The following NCOA2 variants were observed in gnomAD, a reference collection of about 807,000 sequenced individuals.
NCOA2 encodes the protein nuclear receptor coactivator 2.
Under a neutral mutation model 145.1 loss-of-function variants are expected in NCOA2, and 21 were observed. The ratio of observed to expected loss-of-function variants is 0.14; its 90% CI spans 0.10 to 0.21. The LOEUF (loss-of-function observed/expected upper bound fraction) is 0.21, where lower values mean the gene tolerates loss of function less well. Ranked by LOEUF, NCOA2 falls within the 10% of genes least tolerant of loss-of-function variation. The probability of loss-of-function intolerance (pLI) is 1.00; values close to 1 mark genes in which losing one functional copy is unlikely to be tolerated. For missense variants in NCOA2, 1,472 were observed against 1,837.6 expected, an observed-to-expected ratio of 0.80 and a Z score of 3.64; for synonymous variants, 619 against 637.5, an observed-to-expected ratio of 0.97 and a Z score of 0.44.
Position 70,113,616 on chromosome 8 carries a change from A to C in NCOA2, c.*16T>G. On this transcript the variant is annotated 3_prime_UTR_variant, in exon 23 of 23. Coordinates refer to ENST00000452400, the MANE Select transcript of NCOA2 (RefSeq NM_006540.4). ...GTGAGCCCGGTCAGCTGAAGAAGCAACTGGCTTCAGCAGTGTCAGCAATAT... is the reference window on the plus strand; with the variant it reads ...GTGAGCCCGGTCAGCTGAAGAAGCACCTGGCTTCAGCAGTGTCAGCAATAT... The C allele has an allele frequency of 6.4e-7, 1 of 1,551,986 alleles. No homozygotes were observed. The highest frequency in any genetic ancestry group is 8.7e-7 in the Non-Finnish European group (1 of 1,147,044).
intron 2 of NCOA2, among the ~76,000 whole-genome samples, chr8:70,272,058 A>G (rs1185765468): frequency 6.6e-6 from 1 of 152,228 alleles, no homozygotes; most frequent in Non-Finnish European, 1.5e-5. Flanking sequence ...TTGTTGACTG[A>G]TTTCCAACTT....
the NCOA2 span, among the ~76,000 whole-genome samples, chr8:70,451,229 A>ATATAT: frequency 8.8e-6 from 1 of 114,184 alleles, no homozygotes; most frequent in African/African-American, 3.8e-5. Flanking sequence ...AAAAAAAAAA[A>ATATAT]AAAAAAAAAT....
At chr8:70,220,411 GAA>G (rs1047614601) in intron 2 of NCOA2, among the ~76,000 whole-genome samples, 6 of 151,080 alleles carry the variant, frequency 4.0e-5, no homozygotes, top group East Asian at 1.9e-4. Context: ...GGACAAGTCT[GAA>G]AAAAAAAGTT....
At chr8:70,307,220 C>CA (rs57161747) in intron 1 of NCOA2, among the ~76,000 whole-genome samples, 17,030 of 71,550 alleles carry the variant, frequency 0.24, 1,645 homozygotes, top group East Asian at 0.5. Context: ...CCTACATAAG[C>CA]AAAAAAAAAA....
chr8:70,404,461 C>T (rs928800870), upstream of NCOA2, among the ~76,000 whole-genome samples: 14 of 152,136 alleles, frequency 9.2e-5, no homozygotes, highest in Non-Finnish European at 1.9e-4. Context: ...CCCCCTCGGG[C>T]GCACCTCACC....
chr8:70,211,374 G>A (rs1382265843), intron 4 of NCOA2, among the ~76,000 whole-genome samples: 3 of 151,654 alleles, frequency 2.0e-5, no homozygotes, highest in Non-Finnish European at 4.4e-5. Context: ...CAGGAGAATC[G>A]CTTGAACCCA....
chr8:70,367,398 A>G (rs1049593398), intron 1 of NCOA2, among the ~76,000 whole-genome samples: 2 of 152,136 alleles, frequency 1.3e-5, no homozygotes, highest in African/African-American at 4.8e-5. Flanking sequence ...AAGTACTACT[A>G]TTTTTTTCCT....
chr8:70,281,471 G>A (rs1213445840), intron 2 of NCOA2, among the ~76,000 whole-genome samples: 1 of 151,944 alleles, frequency 6.6e-6, no homozygotes, highest in Non-Finnish European at 1.5e-5. Context: ...ATAAGCAGCT[G>A]GTGATACAGA....
chr8:70,240,442 G>A (rs1391806794), intron 2 of NCOA2, among the ~76,000 whole-genome samples: 2 of 152,106 alleles, frequency 1.3e-5, no homozygotes, highest in African/African-American at 4.8e-5. Context: ...TCAAACAGGA[G>A]ATGCTCTGTC....
chr8:70,174,791 T>C lies in NCOA2; in HGVS notation c.328A>G (p.Ile110Val). ...SDVSSTGQGVIDKDALGPMML... is the reference protein window; with the variant it reads ...SDVSSTGQGVVDKDALGPMML... Reference sequence around the variant, plus strand: ...ATAGGCCCCAGCGCATCCTTGTCGATGACACCCTGCCCTGTAGAGGATACA... The same window carrying C: ...ATAGGCCCCAGCGCATCCTTGTCGACGACACCCTGCCCTGTAGAGGATACA... Residue 110 changes from isoleucine (I) to valine (V), a missense_variant, in exon 5 of 23, where the codon ATC (isoleucine) becomes GTC (valine). Ile to Val is a conservative substitution (Grantham distance 29). Transcript: ENST00000452400. The C allele has an allele frequency of 6.2e-7, 1 of 1,613,776 alleles. No homozygotes were observed. The highest frequency in any genetic ancestry group is 8.5e-7 in the Non-Finnish European group (1 of 1,179,688).
At chr8:70,407,767 G>C (rs1028517131), upstream of NCOA2, among the ~76,000 whole-genome samples, 1 of 152,126 alleles carries the variant, frequency 6.6e-6, no homozygotes, top group Non-Finnish European at 1.5e-5. Flanking sequence ...CTGCACTACA[G>C]CCTGGTGACA....
rs756073708 is a variant in NCOA2, at chr8:70,121,356, G to A, written c.4329C>T (p.Phe1443=). 1.1e-5 allele frequency: 17 copies of A among 1,612,796 alleles called. No homozygotes were observed. The highest frequency in any genetic ancestry group is 1.4e-5 in the Non-Finnish European group (17 of 1,179,446). Residue 1443 remains phenylalanine (F), a synonymous_variant, in exon 22 of 23, where the codon TTC becomes TTT. Coordinates refer to ENST00000452400, the MANE Select transcript of NCOA2 (RefSeq NM_006540.4). ...TATCCATTCCAGGCAGCTGGTTTGGGAACAGGTTGCCTCCCCTCAGAGCAG... is the reference window on the plus strand; with the variant it reads ...TATCCATTCCAGGCAGCTGGTTTGGAAACAGGTTGCCTCCCCTCAGAGCAG... ...NDPALRGGNL[F]PNQLPGMDMI...
At chr8:70,367,279 G>C (rs552550178) in intron 1 of NCOA2, among the ~76,000 whole-genome samples, 78 of 152,252 alleles carry the variant, frequency 5.1e-4, no homozygotes, top group African/African-American at 1.7e-3. Flanking sequence ...TTCATGAAAA[G>C]ACACTGAATA....
intron 1 of NCOA2, among the ~76,000 whole-genome samples, chr8:70,378,501 A>C: frequency 6.7e-6 from 1 of 148,434 alleles, no homozygotes; most frequent in Non-Finnish European, 1.5e-5. Context: ...AATGCAGGGA[A>C]GGGGTCCATT....
intron 2 of NCOA2, 42 bp from the exon 3 acceptor site, chr8:70,216,806 A>G (rs2133947053): frequency 1.6e-6 from 2 of 1,253,926 alleles, no homozygotes; most frequent in South Asian, 1.2e-5. Flanking sequence ...AAATGAAGAG[A>G]GCTGATGATG....
chr8:70,208,214 T>C (rs965058937), intron 4 of NCOA2, among the ~76,000 whole-genome samples: 3 of 152,152 alleles, frequency 2.0e-5, no homozygotes, highest in Admixed American at 1.3e-4. Context: ...GAGAGCCTAA[T>C]TGAGAGCAAG....
chr8:70,125,138 T>C (rs77806248), intron 19 of NCOA2, among the ~76,000 whole-genome samples: 116 of 152,328 alleles, frequency 7.6e-4, no homozygotes, highest in Middle Eastern at 3.4e-3. Context: ...GAAACAATGC[T>C]ATTCTTTCTT....
intron 1 of NCOA2, among the ~76,000 whole-genome samples, chr8:70,315,082 A>G (rs550013186): frequency 8.8e-4 from 134 of 152,306 alleles, no homozygotes; most frequent in South Asian, 1.9e-3. Flanking sequence ...CTTTTTGCCT[A>G]TGTCTTACAG....
At chr8:70,144,921 G>T in intron 12 of NCOA2, 73 bp from the exon 13 acceptor site, 1 of 1,331,420 alleles carries the variant, frequency 7.5e-7, no homozygotes, top group Non-Finnish European at 1.1e-6. Flanking sequence ...TAGTGTTTAG[G>T]GACAATGTCT....
Sources: gnomAD v4.1 joint callset for allele counts (sites outside exome capture counted in the v4.1 genomes callset) on GRCh38, gnomAD v4.1.1 for gene constraint, MANE v1.5 for transcripts, NCBI Gene and HGNC (gene_info 2026-07-23, HGNC 2026-07-21) for gene names.